Variants in PCDH15 observed in about 807,000 individuals in gnomAD.
PCDH15 encodes protocadherin related 15.
In PCDH15, 129 loss-of-function variants were observed where a neutral mutation model predicts 178.5. That is an observed-to-expected ratio of 0.72 (90% CI 0.63 to 0.84). The LOEUF (loss-of-function observed/expected upper bound fraction) is 0.84, where lower values mean the gene tolerates loss of function less well. PCDH15 is among the 40% of genes least tolerant of loss of function. PCDH15 has a pLI of 0.00. For missense variants in PCDH15, 2,230 were observed against 2,099.9 expected (o/e 1.06, Z -1.21); for synonymous variants, 800 against 732.0 (o/e 1.09, Z -1.50).
At chr10:54,724,056 A>G (rs1189236406) in intron 1 of PCDH15, among the ~76,000 whole-genome samples, 1 of 151,820 alleles carries the variant, frequency 6.6e-6, no homozygotes, top group Non-Finnish European at 1.5e-5. Flanking sequence ...ACAAAGGTAA[A>G]GAAATCACTG....
chr10:55,531,881 C>G (rs1434165255), intron 2 of PCDH15, among the ~76,000 whole-genome samples: 1 of 151,920 alleles, frequency 6.6e-6, no homozygotes, highest in Non-Finnish European at 1.5e-5. Flanking sequence ...TGTAAGAGAT[C>G]CCTTAAAACA....
chr10:54,856,477 C>A (rs1174046574), intron 3 of PCDH15, among the ~76,000 whole-genome samples: 1 of 152,042 alleles, frequency 6.6e-6, no homozygotes, highest in Admixed American at 6.6e-5. Flanking sequence ...AGATTGAAAC[C>A]AAAATGAGCT....
chr10:55,208,750 T>A (rs1840477661), intron 1 of PCDH15, among the ~76,000 whole-genome samples: 1 of 152,046 alleles, frequency 6.6e-6, no homozygotes, highest in African/African-American at 2.4e-5. Context: ...TCCATGATTA[T>A]GAAGTAGGTG....
intron 2 of PCDH15, among the ~76,000 whole-genome samples, chr10:55,365,108 T>C (rs577869214): frequency 5.3e-5 from 8 of 152,260 alleles, no homozygotes; most frequent in African/African-American, 1.9e-4. Flanking sequence ...TTCTCAGGTT[T>C]GACATCTGTT....
At chr10:55,505,862 G>A (rs1840748763) in intron 2 of PCDH15, among the ~76,000 whole-genome samples, 1 of 151,370 alleles carries the variant, frequency 6.6e-6, no homozygotes, top group African/African-American at 2.4e-5. Context: ...ACTTCCTTGA[G>A]GAAGTGACAT....
intron 2 of PCDH15, among the ~76,000 whole-genome samples, chr10:55,056,959 T>A (rs1332296281): frequency 6.6e-6 from 1 of 152,132 alleles, no homozygotes; most frequent in Admixed American, 6.6e-5. Flanking sequence ...TGAAATTACA[T>A]TTATACAATA....
intron 2 of PCDH15, among the ~76,000 whole-genome samples, chr10:55,605,485 C>T (rs924531115): frequency 3.3e-5 from 5 of 150,304 alleles, no homozygotes; most frequent in Non-Finnish European, 5.9e-5. Context: ...AACATTGATG[C>T]AAAAATCCTC....
intron 2 of PCDH15, among the ~76,000 whole-genome samples, chr10:55,346,634 C>T (rs901223202): frequency 7.3e-5 from 11 of 151,552 alleles, no homozygotes; most frequent in African/African-American, 2.4e-4. Context: ...AATTACCCCA[C>T]GCATTTTGGA....
At chr10:54,747,140 A>G (rs1945572596) in intron 1 of PCDH15, among the ~76,000 whole-genome samples, 1 of 152,204 alleles carries the variant, frequency 6.6e-6, no homozygotes, top group African/African-American at 2.4e-5. Flanking sequence ...TTTCAGAAAT[A>G]AAGCAATTGT....
At chr10:54,095,188 G>C (rs921342773) in intron 15 of PCDH15, among the ~76,000 whole-genome samples, 9 of 152,062 alleles carry the variant, frequency 5.9e-5, no homozygotes, top group African/African-American at 1.9e-4. Flanking sequence ...AACCACTTGA[G>C]AGCAACAAAT....
At chr10:55,134,584 T>G (rs374584402) in intron 2 of PCDH15, among the ~76,000 whole-genome samples, 2 of 152,196 alleles carry the variant, frequency 1.3e-5, no homozygotes, top group Non-Finnish European at 2.9e-5. Flanking sequence ...TAATTAGGAT[T>G]AGTAGAATTT....
chr10:55,195,508 T>C (rs991735562), intron 1 of PCDH15, among the ~76,000 whole-genome samples: 2 of 140,668 alleles, frequency 1.4e-5, no homozygotes, highest in Non-Finnish European at 3.1e-5. Context: ...AAAAAAAAAT[T>C]AGGCGGGCAT....
chr10:54,785,915 C>T (rs75355155), intron 1 of PCDH15, among the ~76,000 whole-genome samples: 5,502 of 151,900 alleles, frequency 0.036, 267 homozygotes, highest in African/African-American at 0.12. Flanking sequence ...CTCTCTGATA[C>T]GTTGTTAAAG....
chr10:54,798,135 T>C lies in PCDH15; in HGVS notation c.-29+2790A>G, dbSNP rs572148232. On this transcript the variant is annotated intron_variant, in intron 1 of 37. Transcript: ENST00000644397. Reference sequence around the variant, plus strand: ...GTGATTTACACCTCTGGAATTTCTATGGCGACTCTATCAAGAGAAAATAAT... The same window carrying C: ...GTGATTTACACCTCTGGAATTTCTACGGCGACTCTATCAAGAGAAAATAAT... Among the ~76,000 whole-genome samples the C allele has an allele frequency of 3.9e-5, 6 of 152,146 alleles. No homozygotes were observed. The East Asian group carries it at 5.8e-4, about 15-fold the overall frequency.
intron 2 of PCDH15, among the ~76,000 whole-genome samples, chr10:55,448,088 T>C (rs527582995): frequency 1.3e-5 from 2 of 152,114 alleles, no homozygotes; most frequent in South Asian, 4.1e-4. Context: ...TCTGGATACA[T>C]ATTACTTGAT....
At chr10:54,156,055 C>G (rs529279372) in intron 13 of PCDH15, among the ~76,000 whole-genome samples, 2 of 152,086 alleles carry the variant, frequency 1.3e-5, no homozygotes, top group Admixed American at 1.3e-4. Context: ...ATGGGGAGGC[C>G]AATATTTTGC....
At chr10:54,003,052 C>A (rs560573012) in intron 20 of PCDH15, among the ~76,000 whole-genome samples, 1 of 152,212 alleles carries the variant, frequency 6.6e-6, no homozygotes, top group Admixed American at 6.5e-5. Context: ...TTAGCAAGAC[C>A]ACGAATCCAT....
chr10:54,198,917 G>C (rs1483046135), intron 10 of PCDH15, among the ~76,000 whole-genome samples: 1 of 151,942 alleles, frequency 6.6e-6, no homozygotes, highest in South Asian at 2.1e-4. Context: ...GATGAAAAAA[G>C]CAAAATTGTA....
intron 18 of PCDH15, among the ~76,000 whole-genome samples, chr10:54,064,307 G>GT (rs2094093981): frequency 6.6e-6 from 1 of 152,258 alleles, no homozygotes; most frequent in East Asian, 1.9e-4. Context: ...TGGCTCCAGG[G>GT]TTTTTTTGGG....
Sources: gnomAD v4.1 joint callset for allele counts (sites outside exome capture counted in the v4.1 genomes callset) on GRCh38, gnomAD v4.1.1 for gene constraint, MANE v1.5 for transcripts, NCBI Gene and HGNC (gene_info 2026-07-23, HGNC 2026-07-21) for gene names.